KIF5C: variants seen among roughly 807,000 people sequenced by gnomAD.
The protein encoded by KIF5C is kinesin heavy chain isoform 5C.
In KIF5C, 18 loss-of-function variants were observed where a neutral mutation model predicts 125.2. That is an observed-to-expected ratio of 0.14 (90% CI 0.10 to 0.21). The LOEUF (loss-of-function observed/expected upper bound fraction) is 0.21. KIF5C is among the 10% of genes least tolerant of loss of function. The pLI, the probability that KIF5C is intolerant of heterozygous loss-of-function variation, is 1.00. For synonymous variants in KIF5C, 405 were observed against 434.0 expected, an observed-to-expected ratio of 0.93 and a Z score of 0.83; for missense variants, 780 against 1,183.8, an observed-to-expected ratio of 0.66 and a Z score of 5.01.
At chr2:148,900,096 T>G (rs1305610544) in intron 1 of KIF5C, among the ~76,000 whole-genome samples, 16 of 152,188 alleles carry the variant, frequency 1.1e-4, no homozygotes, top group Admixed American at 1.0e-3. Context: ...TTGATTGCTC[T>G]TGGAAAGCTA....
intron 1 of KIF5C, among the ~76,000 whole-genome samples, chr2:148,918,160 T>A (rs1035121123): frequency 6.6e-6 from 1 of 152,218 alleles, no homozygotes; most frequent in Admixed American, 6.5e-5. Flanking sequence ...TCTGCTGTTA[T>A]TTTTTGTATG....
intron 16 of KIF5C, among the ~76,000 whole-genome samples, chr2:148,992,788 A>T (rs1681561134): frequency 6.6e-6 from 1 of 152,226 alleles, no homozygotes; most frequent in South Asian, 2.1e-4. Flanking sequence ...TTATGATTAT[A>T]TAGTTGTTAT....
chr2:148,979,921 A>T (rs1490294470), intron 13 of KIF5C, among the ~76,000 whole-genome samples: 1 of 152,262 alleles, frequency 6.6e-6, no homozygotes, highest in Admixed American at 6.5e-5. Flanking sequence ...CAGCCAACTT[A>T]TCAAACATGC....
intron 1 of KIF5C, 90 bp from the exon 2 acceptor site, chr2:148,922,047 T>A (rs1180810410): frequency 6.4e-6 from 5 of 781,940 alleles, no homozygotes; most frequent in Non-Finnish European, 8.2e-6. Flanking sequence ...TTAGTGCCTA[T>A]GGCCTAGCTA....
At chr2:149,008,104 C>A in intron 23 of KIF5C, 37 bp downstream of exon 23, 1 of 1,579,992 alleles carries the variant, frequency 6.3e-7, no homozygotes, top group South Asian at 1.2e-5. Context: ...TGATTCCCTC[C>A]TCTCTCCTGG....
At chr2:148,967,203 G>A (rs1393479853) in intron 11 of KIF5C, among the ~76,000 whole-genome samples, 6 of 152,150 alleles carry the variant, frequency 3.9e-5, no homozygotes, top group African/African-American at 7.2e-5. Context: ...GCCTGGTTCC[G>A]TTCCCCAGGG....
At chr2:148,948,960 CT>C (rs1328054913) in intron 8 of KIF5C, among the ~76,000 whole-genome samples, 1 of 152,214 alleles carries the variant, frequency 6.6e-6, no homozygotes, top group East Asian at 1.9e-4. Context: ...AAACCTCCCC[CT>C]GGACATGAAT....
At position 149,012,599 on chromosome 2, in the gene KIF5C, C is replaced by T. The variant is rs571392680; in HGVS notation, c.*7+916C>T. Among the ~76,000 whole-genome samples, 11 of 152,240 alleles carry T rather than the reference C, an allele frequency of 7.2e-5. No homozygotes were observed. In the East Asian group the frequency reaches 9.6e-4, roughly 13 times the overall value. On this transcript the variant is annotated intron_variant, in intron 25 of 25. Transcript: ENST00000435030. The stretch of plus-strand genomic sequence containing the variant: ...GAGCCATCACTCAGGGTCCCGGCAT[C>T]GCCCAGGCATAGGCTAAAACTTCCA...
chr2:148,958,128 T>C (rs1390538392), intron 10 of KIF5C, among the ~76,000 whole-genome samples: 1 of 152,174 alleles, frequency 6.6e-6, no homozygotes, highest in African/African-American at 2.4e-5. Flanking sequence ...ATTATTTTCA[T>C]GTTGGGGTGA....
chr2:148,926,978 C>T (rs1682026251), intron 2 of KIF5C, among the ~76,000 whole-genome samples: 1 of 152,038 alleles, frequency 6.6e-6, no homozygotes, highest in Non-Finnish European at 1.5e-5. Flanking sequence ...ATGTGTTCTC[C>T]TTTTCTTACA....
intron 2 of KIF5C, among the ~76,000 whole-genome samples, chr2:148,926,266 G>A (rs1681990920): frequency 6.6e-6 from 1 of 152,210 alleles, no homozygotes. Flanking sequence ...AAGGCTCTGG[G>A]CACCTGCAGT....
intron 1 of KIF5C, among the ~76,000 whole-genome samples, chr2:148,903,835 A>C (rs1040990277): frequency 6.6e-6 from 1 of 152,234 alleles, no homozygotes; most frequent in Non-Finnish European, 1.5e-5. Context: ...GCACTTAACT[A>C]GAAGGCAGAG....
At chr2:149,010,800 G>A (rs12464453) in intron 24 of KIF5C, among the ~76,000 whole-genome samples, 66,428 of 152,120 alleles carry the variant, frequency 0.44, 16,473 homozygotes, top group South Asian at 0.55. Flanking sequence ...ACCCCTGGAA[G>A]AGCCAGGCTG....
chr2:149,023,031 CT>C (rs1009992263), intron 25 of KIF5C, 46 bp from the exon 26 acceptor site: 3 of 152,194 alleles, frequency 2.0e-5, no homozygotes, highest in African/African-American at 7.2e-5. Context: ...TAAATTTCTA[CT>C]GTGTTTTCTA....
chr2:148,900,516 C>T (rs148341580), intron 1 of KIF5C, among the ~76,000 whole-genome samples: 1 of 152,320 alleles, frequency 6.6e-6, no homozygotes, highest in East Asian at 1.9e-4. Flanking sequence ...CAACAGAACC[C>T]TGGGAATGGC....
intron 23 of KIF5C, among the ~76,000 whole-genome samples, chr2:149,009,060 G>C (rs192433617): frequency 6.9e-6 from 1 of 144,202 alleles, no homozygotes; most frequent in African/African-American, 2.6e-5. Flanking sequence ...TGCGATCTCT[G>C]CTCAGTGCAA....
chr2:148,962,092 G>C lies in KIF5C; in HGVS notation c.1090G>C (p.Glu364Gln). The change falls in exon 11 of 26, where the codon GAG becomes CAG. Residue 364 changes from glutamate to glutamine, a missense_variant. Transcript: ENST00000435030. ...KTLKNVIQHL[E>Q]MELNRWRNGE... ...TTTGAAGAATGTTATCCAGCATCTGGAGATGGAGCTAAACAGGTGGAGGAA... is the reference window on the plus strand; with the variant it reads ...TTTGAAGAATGTTATCCAGCATCTGCAGATGGAGCTAAACAGGTGGAGGAA... The C allele has an allele frequency of 1.9e-6, 3 of 1,611,598 alleles. No homozygotes were observed. The highest frequency in any genetic ancestry group is 2.5e-6 in the Non-Finnish European group (3 of 1,178,634).
Position 149,000,484 on chromosome 2 carries a change from A to G in KIF5C, c.2272A>G (p.Ile758Val). 1.3e-6 allele frequency: 2 copies of G among 1,580,504 alleles called. No individual in the cohort carries two copies. The highest frequency in any genetic ancestry group is 1.1e-5 in the South Asian group (1 of 87,580). ...TAGTTCTGATTATAACAAGCTGAAAATAGAGGACCAAGAGAGAGAAATGAA... is the reference window on the plus strand; with the variant it reads ...TAGTTCTGATTATAACAAGCTGAAAGTAGAGGACCAAGAGAGAGAAATGAA... The part of the protein sequence containing the change: ...KLSSDYNKLK[I>V]EDQEREMKLE... The change falls in exon 20 of 26, where the codon ATA becomes GTA. Residue 758 changes from isoleucine (I) to valine (V), a missense_variant. This residue lies in a region of KIF5C where 573 missense variants were observed against 742.6 expected (regional missense o/e 0.77). Transcript: ENST00000435030.
chr2:148,893,209 A>G (rs1285009073), intron 1 of KIF5C, among the ~76,000 whole-genome samples: 1 of 152,136 alleles, frequency 6.6e-6, no homozygotes, highest in Non-Finnish European at 1.5e-5. Flanking sequence ...CTTGGAATAC[A>G]ATTCCCTGTT....
Sources: gnomAD v4.1 joint callset for allele counts (sites outside exome capture counted in the v4.1 genomes callset) on GRCh38, gnomAD v4.1.1 for gene constraint, gnomAD v4.1.1 regional missense constraint, MANE v1.5 for transcripts, NCBI Gene and HGNC (gene_info 2026-07-23, HGNC 2026-07-21) for gene names.